Variants in CCDC102A observed in about 807,000 individuals in gnomAD.
CCDC102A encodes coiled-coil domain-containing protein 102A.
In CCDC102A, 40 loss-of-function variants were observed where a neutral mutation model predicts 55.5. The observed-to-expected ratio is 0.72, with a 90% confidence interval of 0.56 to 0.94. CCDC102A has a LOEUF of 0.94. Among genes scored for constraint, CCDC102A ranks in the 40% least tolerant of loss-of-function variants. CCDC102A has a pLI of 0.00. For synonymous variants in CCDC102A, 323 were observed against 339.0 expected (o/e 0.95, Z 0.52); for missense variants, 779 against 768.6 (o/e 1.01, Z -0.16).
rs776219275 is a variant in CCDC102A, at chr16:57,518,019, G to A, written c.1248+49C>T. 3 of 1,534,462 alleles carry A rather than the reference G, an allele frequency of 2.0e-6. No individual in the cohort carries two copies. The South Asian group carries it at 3.6e-5, about 19-fold the overall frequency. On this transcript the variant is annotated intron_variant, in intron 6 of 8. Coordinates refer to ENST00000258214, the MANE Select transcript of CCDC102A (RefSeq NM_033212.4). ...TAGTAGGGAAGCTGCGCTCTGGCTG[G>A]ATGGGGAGGTGGCAGCCCCAGCACT...
chr16:57,521,117 T>C lies in CCDC102A; in HGVS notation c.872A>G (p.Lys291Arg), dbSNP rs2032044130. 6 of 1,613,750 alleles carry C rather than the reference T, an allele frequency of 3.7e-6. No homozygotes were observed. Among genetic ancestry groups the C allele is most frequent in the Non-Finnish European group, 5.1e-6 (6 of 1,179,998 alleles). ...CTTGCTCAGCTCCTCATACTTGATC[T>C]TCCACTGGCTGAGCTCCCCCTCTAG... ...EKLEGELSQW[K>R]IKYEELSKTK... The change falls in exon 4 of 9, where the codon AAG (lysine) becomes AGG (arginine). Residue 291 changes from lysine to arginine, a missense_variant. Lys to Arg is a conservative substitution (Grantham distance 26). Coordinates refer to ENST00000258214, the MANE Select transcript of CCDC102A (RefSeq NM_033212.4).
intron 1 of CCDC102A, among the ~76,000 whole-genome samples, chr16:57,534,546 A>C (rs73545066): frequency 0.047 from 7,133 of 152,226 alleles, 518 homozygotes; most frequent in African/African-American, 0.16. Flanking sequence ...CTCTCTGCAC[A>C]GAGTATGCTC....
In CCDC102A at chr16:57,516,936, G is replaced by A. The variant is rs1287670116; in HGVS notation, c.1249-473C>T. Among the ~76,000 whole-genome samples the A allele has an allele frequency of 6.6e-6, 1 of 152,192 alleles. No individual in the cohort carries two copies. The highest frequency in any genetic ancestry group is 6.5e-5 in the Admixed American group (1 of 15,288). ...CCCTGGAGCTCTGTGAGTTCTCTAA[G>A]CCTCAGTTTCCATTTCTGTAAAATG... On this transcript the variant is annotated intron_variant, in intron 6 of 8. Transcript: ENST00000258214. This position sits in a 1 kb window ranked among gnomAD's most constrained non-coding sequence, Gnocchi z 4.4.
At position 57,512,479 on chromosome 16, in the gene CCDC102A, T is replaced by C; in HGVS notation, c.*262A>G. Reference sequence around the variant, plus strand: ...CTGGGCCTTGGAGCTGTCCTGTATTTATAAAACCAAATGGGTCCAAAGACT... The same window carrying C: ...CTGGGCCTTGGAGCTGTCCTGTATTCATAAAACCAAATGGGTCCAAAGACT... On this transcript the variant is annotated 3_prime_UTR_variant, in exon 9 of 9. Transcript: ENST00000258214. 1 of 431,868 alleles carries C rather than the reference T, an allele frequency of 2.3e-6. No individual in the cohort carries two copies. The highest frequency in any genetic ancestry group is 4.1e-6 in the Non-Finnish European group (1 of 245,994). 26.8% of individuals were successfully genotyped at this position (431,868 alleles called of 1,614,324 possible).
chr16:57,515,003 C>T (rs996334202), intron 8 of CCDC102A, among the ~76,000 whole-genome samples: 11 of 152,132 alleles, frequency 7.2e-5, no homozygotes, highest in Admixed American at 5.2e-4. Context: ...GGCCCAGTAA[C>T]GCTGAGGGCT....
Position 57,528,846 on chromosome 16 carries a change from A to G in CCDC102A, c.332T>C (p.Val111Ala). The G allele has an allele frequency of 1.5e-6, 2 of 1,330,498 alleles. No homozygotes were observed. Among genetic ancestry groups the G allele is most frequent in the African/African-American group, 3.2e-5 (2 of 62,916 alleles). 82.4% of individuals were successfully genotyped at this position (1,330,498 alleles called of 1,614,324 possible). A position where few individuals can be genotyped will look rare whatever the true frequency, so the allele number is the denominator to read the frequency against. ...GCGCGCGCGGTTGCGCTCAGCGCGC[A>G]CCTTGCTCCATTTCTCGCGCCAATT... ...TANWREKWSK[V>A]RAERNRAREE... The change falls in exon 2 of 9, where the codon GTG becomes GCG. Residue 111 changes from valine (V) to alanine (A), a missense_variant. By Grantham distance (64) the Val-to-Ala change is moderately conservative. Transcript: ENST00000258214.
chr16:57,533,606 A>G (rs1292869153), intron 1 of CCDC102A, among the ~76,000 whole-genome samples: 1 of 144,344 alleles, frequency 6.9e-6, no homozygotes. Flanking sequence ...ACATGGCCCC[A>G]GGGACCCGCA....
chr16:57,526,448 G>A (rs2032143819), intron 2 of CCDC102A, among the ~76,000 whole-genome samples: 1 of 152,190 alleles, frequency 6.6e-6, no homozygotes, highest in East Asian at 1.9e-4. Context: ...GTTGAAGCAG[G>A]AATTCCTATA....
chr16:57,531,365 G>A (rs1301977644), intron 1 of CCDC102A, among the ~76,000 whole-genome samples: 1 of 150,874 alleles, frequency 6.6e-6, no homozygotes, highest in African/African-American at 2.4e-5. Flanking sequence ...CCCACCCACC[G>A]CCAAACCTTG....
In CCDC102A at chr16:57,512,687, G is replaced by T. The variant is rs2031886172; in HGVS notation, c.*54C>A. The stretch of plus-strand genomic sequence containing the variant: ...CTGCATCAGTTTGAGTGGCTGGTTA[G>T]CCTGGACCCTGGGCAGGTATGGGGC... On this transcript the variant is annotated 3_prime_UTR_variant, in exon 9 of 9. Coordinates refer to ENST00000258214, the MANE Select transcript of CCDC102A (RefSeq NM_033212.4). 1.1e-5 allele frequency: 17 copies of T among 1,574,084 alleles called. No homozygotes were observed. The highest frequency in any genetic ancestry group is 1.4e-5 in the Non-Finnish European group (16 of 1,159,346).
intron 6 of CCDC102A, among the ~76,000 whole-genome samples, chr16:57,517,301 G>A (rs1289704556): frequency 1.3e-5 from 2 of 151,802 alleles, no homozygotes; most frequent in East Asian, 1.9e-4. Flanking sequence ...CCCTAAATCC[G>A]CACACTACCA....
chr16:57,535,439 C>T (rs1208128278), intron 1 of CCDC102A, among the ~76,000 whole-genome samples: 5 of 152,176 alleles, frequency 3.3e-5, no homozygotes, highest in African/African-American at 1.2e-4. Flanking sequence ...GTGTCTGTGT[C>T]CACACCGCGG....
At position 57,529,244 on chromosome 16, in the gene CCDC102A, G is replaced by C; in HGVS notation, c.-67C>G. 2 of 1,130,016 alleles carry C rather than the reference G, an allele frequency of 1.8e-6. No homozygotes were observed. The highest frequency in any genetic ancestry group is 2.2e-6 in the Non-Finnish European group (2 of 921,146). 70.0% of individuals were successfully genotyped at this position (1,130,016 alleles called of 1,614,324 possible). ...CTCAGGGGCGGCTCCGGGGACGCGCGGCGGGCGCGATACAACTGTGCATGA... is the reference window on the plus strand; with the variant it reads ...CTCAGGGGCGGCTCCGGGGACGCGCCGCGGGCGCGATACAACTGTGCATGA... On this transcript the variant is annotated 5_prime_UTR_variant, in exon 2 of 9. Transcript: ENST00000258214. The surrounding 1 kb of genome is among the most constrained non-coding windows in gnomAD (Gnocchi z 4.1).
rs183925689 is a variant in CCDC102A, at chr16:57,519,393, C to T, written c.922-652G>A. On this transcript the variant is annotated intron_variant, in intron 4 of 8. Transcript: ENST00000258214. ...CCACTGGAAAGCTAGCCTGGGAGGA[C>T]GGGGAGCTTGTGCGTCTGTCCACCT... Among the ~76,000 whole-genome samples the T allele has an allele frequency of 1.4e-4, 22 of 152,334 alleles. No homozygotes were observed. In the East Asian group the frequency reaches 4.0e-3, roughly 28 times the overall value.
chr16:57,515,496 G>C (rs1233931061), intron 7 of CCDC102A, 52 bp from the exon 8 acceptor site: 1 of 1,246,298 alleles, frequency 8.0e-7, no homozygotes, highest in Admixed American at 1.9e-5. Context: ...GGCTGGGCAA[G>C]GCCGGCCACC....
intron 8 of CCDC102A, among the ~76,000 whole-genome samples, chr16:57,515,046 C>T (rs1356287859): frequency 6.6e-6 from 1 of 152,134 alleles, no homozygotes; most frequent in African/African-American, 2.4e-5. Flanking sequence ...CCACCCACTG[C>T]CCCAAGCCTT....
chr16:57,526,032 GC>G lies in CCDC102A; in HGVS notation c.680del (p.Gly227AlafsTer26). The G allele has an allele frequency of 6.3e-7, 1 of 1,597,464 alleles. No individual in the cohort carries two copies. ...GGCTGCGCTCCTGGCGGCCTGAGCT[GC>G]CCCGCGGGCCCCCAGCCCCCAGGCT... The part of the protein sequence containing the change: ...ARSLGAGGPR[G>X]SSGRQERSRL... On this transcript the variant is annotated frameshift_variant, in exon 3 of 9. Coordinates refer to ENST00000258214, the MANE Select transcript of CCDC102A (RefSeq NM_033212.4). LOFTEE classifies it high-confidence loss of function.
Position 57,516,427 on chromosome 16 carries a change from T to G in CCDC102A, c.1285A>C (p.Lys429Gln). The part of the protein sequence containing the change: ...ADLKHVHGKL[K>Q]KQFQEKVAEL... The stretch of plus-strand genomic sequence containing the variant: ...GCCACCTTCTCCTGGAACTGCTTCT[T>G]CAGCTTGCCATGCACATGCTTCAGG... Residue 429 changes from lysine (K) to glutamine (Q), a missense_variant, in exon 7 of 9, where the codon AAG (lysine) becomes CAG (glutamine). Coordinates refer to ENST00000258214, the MANE Select transcript of CCDC102A (RefSeq NM_033212.4). The surrounding 1 kb of genome is among the most constrained non-coding windows in gnomAD (Gnocchi z 4.4). The G allele has an allele frequency of 6.2e-7, 1 of 1,609,106 alleles. No homozygotes were observed. Among genetic ancestry groups the G allele is most frequent in the Non-Finnish European group, 8.5e-7 (1 of 1,179,950 alleles).
chr16:57,528,985 C>T lies in CCDC102A; in HGVS notation c.193G>A (p.Ala65Thr). 1 of 1,212,432 alleles carries T rather than the reference C, an allele frequency of 8.2e-7. No individual in the cohort carries two copies. Among genetic ancestry groups the T allele is most frequent in the African/African-American group, 1.7e-5 (1 of 60,128 alleles). 75.1% of individuals were successfully genotyped at this position (1,212,432 alleles called of 1,614,324 possible). A position where few individuals can be genotyped will look rare whatever the true frequency, so the allele number is the denominator to read the frequency against. ...LPLPPAPALL[A>T]DGDWESREEL... ...TCGCGGCTCTCCCAGTCGCCGTCGG[C>T]CAGCAGCGCGGGCGCGGGGGGCAGG... The change falls in exon 2 of 9, where the codon GCC (alanine) becomes ACC (threonine). Residue 65 changes from alanine (A) to threonine (T), a missense_variant. Physicochemically the swap from Ala to Thr is moderately conservative, Grantham distance 58 (BLOSUM62 0). Coordinates refer to ENST00000258214, the MANE Select transcript of CCDC102A (RefSeq NM_033212.4).
Sources: gnomAD v4.1 joint callset for allele counts (sites outside exome capture counted in the v4.1 genomes callset) on GRCh38, gnomAD v4.1.1 for gene constraint, Gnocchi (gnomAD v3.1) non-coding constraint, MANE v1.5 for transcripts, NCBI Gene and HGNC (gene_info 2026-07-23, HGNC 2026-07-21) for gene names.